Variants in ZC3H12B observed in about 807,000 individuals in gnomAD.
The protein encoded by ZC3H12B is zinc finger CCCH-type containing 12B, also known as probable ribonuclease ZC3H12B.
Under a neutral mutation model 43.9 loss-of-function variants are expected in ZC3H12B, and 7 were observed. That is an observed-to-expected ratio of 0.16 (90% CI 0.09 to 0.30). The LOEUF (loss-of-function observed/expected upper bound fraction) is 0.30, where lower values mean the gene tolerates loss of function less well. Among genes scored for constraint, ZC3H12B ranks in the 10% least tolerant of loss-of-function variants. The probability of loss-of-function intolerance (pLI) is 1.00; values close to 1 mark genes in which losing one functional copy is unlikely to be tolerated. For missense variants in ZC3H12B, 475 were observed against 670.2 expected (o/e 0.71, Z 3.22); for synonymous variants, 222 against 241.7 (o/e 0.92, Z 0.76).
At chrX:65,465,383 C>A (rs1035558129) in intron 3 of ZC3H12B, among the ~76,000 whole-genome samples, 2 of 110,732 alleles carry the variant, frequency 1.8e-5, no homozygotes, top group Admixed American at 9.7e-5. Flanking sequence ...ACATTTTTTT[C>A]TCAAAGTGTA....
At chrX:65,319,355 AC>A in the ZC3H12B span, among the ~76,000 whole-genome samples, 1 of 111,314 alleles carries the variant, frequency 9.0e-6, no homozygotes, top group African/African-American at 3.3e-5. Context: ...GAAACATACA[AC>A]CTCCCAAGAT....
intron 3 of ZC3H12B, among the ~76,000 whole-genome samples, chrX:65,439,333 C>T (rs2067271381): frequency 8.9e-6 from 1 of 111,852 alleles, no homozygotes; most frequent in Admixed American, 9.5e-5. Context: ...TTATACCTAC[C>T]ATCTTACCAT....
At chrX:65,229,566 G>A in the ZC3H12B span, among the ~76,000 whole-genome samples, 1 of 110,935 alleles carries the variant, frequency 9.0e-6, no homozygotes, top group Non-Finnish European at 1.9e-5. Context: ...CTTCTGCACA[G>A]CAAAAGAAAC....
chrX:65,184,741 T>C, the ZC3H12B span, among the ~76,000 whole-genome samples: 3 of 111,597 alleles, frequency 2.7e-5, no homozygotes. Flanking sequence ...TATACATGTA[T>C]ACAACATGGT....
At chrX:65,244,999 A>G in the ZC3H12B span, among the ~76,000 whole-genome samples, 1 of 111,087 alleles carries the variant, frequency 9.0e-6, no homozygotes, top group African/African-American at 3.3e-5. Flanking sequence ...TGCCTGAAAT[A>G]TGACATATTG....
At chrX:65,477,193 C>T (rs1223145318) in intron 3 of ZC3H12B, among the ~76,000 whole-genome samples, 1 of 109,043 alleles carries the variant, frequency 9.2e-6, no homozygotes, top group Non-Finnish European at 1.9e-5. Context: ...CACTGCCTAG[C>T]AAGGGCATGG....
the ZC3H12B span, among the ~76,000 whole-genome samples, chrX:65,325,009 T>C: frequency 9.0e-6 from 1 of 111,430 alleles, no homozygotes; most frequent in Non-Finnish European, 1.9e-5. Flanking sequence ...TATATTCTTT[T>C]AACAAATTGA....
chrX:65,105,759 G>A, the ZC3H12B span, among the ~76,000 whole-genome samples: 4 of 111,363 alleles, frequency 3.6e-5, no homozygotes, highest in Non-Finnish European at 5.7e-5. Flanking sequence ...CATGTGAGCA[G>A]CATTTTTTGG....
chrX:65,229,797 C>T, the ZC3H12B span, among the ~76,000 whole-genome samples: 2 of 107,150 alleles, frequency 1.9e-5, no homozygotes, highest in Non-Finnish European at 3.9e-5. Context: ...CTCATCATCA[C>T]TGGCCATCAG....
intron 2 of ZC3H12B, among the ~76,000 whole-genome samples, chrX:65,379,399 C>G (rs373063019): frequency 8.0e-4 from 89 of 111,742 alleles, no homozygotes; most frequent in Non-Finnish European, 1.2e-3. Flanking sequence ...TGAGGGTCCT[C>G]TCTGTTAGAA....
the ZC3H12B span, among the ~76,000 whole-genome samples, chrX:65,341,570 G>A: frequency 0.12 from 13,287 of 110,876 alleles, 1,909 homozygotes; most frequent in African/African-American, 0.41. Context: ...ATTTTTAAAG[G>A]AAAGAAATTT....
chrX:65,397,930 A>C (rs1185847707), intron 2 of ZC3H12B, among the ~76,000 whole-genome samples: 1 of 112,267 alleles, frequency 8.9e-6, no homozygotes, highest in Non-Finnish European at 1.9e-5. Context: ...AAATTTAATA[A>C]ATTTGCAGGA....
chrX:65,341,399 A>G, the ZC3H12B span, among the ~76,000 whole-genome samples: 7 of 111,753 alleles, frequency 6.3e-5, no homozygotes, highest in African/African-American at 2.3e-4. Flanking sequence ...TCCCCAAGAC[A>G]TATAACCATC....
intron 3 of ZC3H12B, among the ~76,000 whole-genome samples, chrX:65,440,260 A>T (rs184903964): frequency 1.8e-5 from 2 of 112,090 alleles, no homozygotes; most frequent in Non-Finnish European, 3.8e-5. Context: ...ATGAGCCCCA[A>T]TGTGAGTGAT....
chrX:65,269,767 T>A, the ZC3H12B span, among the ~76,000 whole-genome samples: 2 of 110,651 alleles, frequency 1.8e-5, no homozygotes, highest in South Asian at 7.8e-4. Context: ...CCCAAAGGGC[T>A]GGGCTTAAAG....
upstream of ZC3H12B, among the ~76,000 whole-genome samples, chrX:65,363,787 G>A (rs182352910): frequency 1.8e-5 from 2 of 111,905 alleles, no homozygotes; most frequent in African/African-American, 6.5e-5. Flanking sequence ...ACTTTTGGAG[G>A]CCCTCAAAAT....
At chrX:65,080,427 T>G in the ZC3H12B span, among the ~76,000 whole-genome samples, 6 of 110,762 alleles carry the variant, frequency 5.4e-5, no homozygotes, top group African/African-American at 2.0e-4. Flanking sequence ...CCTCAAGGTA[T>G]TTAATAATCA....
At chrX:65,335,917 C>A in the ZC3H12B span, among the ~76,000 whole-genome samples, 2 of 112,045 alleles carry the variant, frequency 1.8e-5, no homozygotes, top group South Asian at 7.5e-4. Context: ...AAGGAAACTT[C>A]ATCCAGGTTT....
chrX:65,212,033 G>A, the ZC3H12B span, among the ~76,000 whole-genome samples: 1 of 61,581 alleles, frequency 1.6e-5, no homozygotes, highest in Non-Finnish European at 2.6e-5. Context: ...TATATGTTAT[G>A]TATAATGTAT....
Sources: allele counts gnomAD v4.1 joint callset (sites outside exome capture counted in the v4.1 genomes callset), GRCh38; gene constraint gnomAD v4.1.1; transcripts MANE v1.5; gene names NCBI Gene and HGNC (gene_info 2026-07-23, HGNC 2026-07-21).